The following CPD variants were observed in gnomAD, a reference collection of about 807,000 sequenced individuals.
The protein encoded by CPD is carboxypeptidase D.
In CPD, 69 loss-of-function variants were observed where a neutral mutation model predicts 138.3. That is an observed-to-expected ratio of 0.50 (90% CI 0.41 to 0.61). The LOEUF is 0.61. Ranked by LOEUF, CPD falls within the 20% of genes least tolerant of loss-of-function variation. The pLI is 0.00. For synonymous variants in CPD, 651 were observed against 642.1 expected (o/e 1.01, Z -0.21); for missense variants, 1,432 against 1,733.3 (o/e 0.83, Z 3.09).
At chr17:30,415,315 A>G (rs1235817498) in intron 2 of CPD, among the ~76,000 whole-genome samples, 1 of 152,204 alleles carries the variant, frequency 6.6e-6, no homozygotes, top group Non-Finnish European at 1.5e-5. Context: ...TCTTGACAGA[A>G]TGAAGGTAAT....
In CPD at chr17:30,461,976, G is replaced by C. The variant is rs764418938; in HGVS notation, c.3730G>C (p.Glu1244Gln). The part of the protein sequence containing the change: ...LNEGIKVQTK[E>Q]GGYFHVLLAP... ...TGAAGGAATAAAGGTACAAACAAAA[G>C]AGGGAGGTTATTTCCATGTACTCTT... is the stretch of plus-strand genomic sequence containing the variant. Residue 1244 changes from glutamate to glutamine, a missense_variant, in exon 19 of 21, where the codon GAG becomes CAG. Physicochemically the swap from Glu to Gln is conservative, Grantham distance 29. Around this residue, in one of 6 missense-constraint regions of CPD, gnomAD observed 366 missense variants for 518.8 expected, o/e 0.71. Coordinates refer to ENST00000225719, the MANE Select transcript of CPD (RefSeq NM_001304.5). The C allele has an allele frequency of 1.9e-6, 3 of 1,613,828 alleles. No individual in the cohort carries two copies. In the African/African-American group the frequency reaches 4.0e-5, roughly 22 times the overall value.
chr17:30,462,276 C>A, intron 19 of CPD, 94 bp from the exon 20 acceptor site: 2 of 1,140,424 alleles, frequency 1.8e-6, no homozygotes, highest in South Asian at 1.4e-5. Flanking sequence ...AATGCATCAT[C>A]TCCTTAGTTT....
At chr17:30,380,339 T>C in intron 1 of CPD, 1 of 373,540 alleles carries the variant, frequency 2.7e-6, no homozygotes, top group Non-Finnish European at 4.0e-6. Context: ...CCCAGGATCT[T>C]CCCCTTGCCT....
rs2143525992 is a variant in CPD, at chr17:30,467,609, TA to T, written c.*2796del. 1 of 152,296 alleles carries T rather than the reference TA, an allele frequency of 6.6e-6. No homozygotes were observed. Among genetic ancestry groups the T allele is most frequent in the South Asian group, 2.1e-4 (1 of 4,820 alleles). The allele number at this position is 152,296 out of a possible 1,614,324, so 9.4% of individuals were successfully genotyped here. On this transcript the variant is annotated 3_prime_UTR_variant, in exon 21 of 21. Coordinates refer to ENST00000225719, the MANE Select transcript of CPD (RefSeq NM_001304.5). ...TGATTGCTTTATCTTTGGTAACTTT[TA>T]CTTGAATGGGATTTGCTGAATTAAT...
intron 2 of CPD, among the ~76,000 whole-genome samples, chr17:30,403,124 T>C (rs188750613): frequency 6.6e-6 from 1 of 152,002 alleles, no homozygotes; most frequent in Non-Finnish European, 1.5e-5. Context: ...TAAAATAAAA[T>C]AAAAATAATA....
rs1913732850 is a variant in CPD, at chr17:30,469,619, A to G, written c.*4805A>G. ...TTTATAGGTGATCTTTTTAATTTAG[A>G]AGAAATTCTGAGACACAAATAAAAA... On this transcript the variant is annotated 3_prime_UTR_variant, in exon 21 of 21. Coordinates refer to ENST00000225719, the MANE Select transcript of CPD (RefSeq NM_001304.5). The G allele has an allele frequency of 6.6e-6, 1 of 152,222 alleles. No homozygotes were observed. Among genetic ancestry groups the G allele is most frequent in the African/African-American group, 2.4e-5 (1 of 41,470 alleles). The allele number at this position is 152,222 out of a possible 1,614,324, so 9.4% of individuals were successfully genotyped here.
At chr17:30,415,387 T>C (rs892410269) in intron 2 of CPD, among the ~76,000 whole-genome samples, 2 of 152,206 alleles carry the variant, frequency 1.3e-5, no homozygotes, top group Non-Finnish European at 2.9e-5. Context: ...ACATTGTGAA[T>C]GAATGTTCTG....
rs1033783588 is a variant in CPD at position 30,467,641 on chromosome 17, T to C, written c.*2827T>C. ...ATGGGATTTGCTGAATTAATGACTA[T>C]TGAATTTAAAACTAATTATGAGTTG... On this transcript the variant is annotated 3_prime_UTR_variant, in exon 21 of 21. Coordinates refer to ENST00000225719, the MANE Select transcript of CPD (RefSeq NM_001304.5). 4 of 152,188 alleles carry C rather than the reference T, an allele frequency of 2.6e-5. No homozygotes were observed. The highest frequency in any genetic ancestry group is 9.6e-5 in the African/African-American group (4 of 41,456). 9.4% of individuals were successfully genotyped at this position (152,188 alleles called of 1,614,324 possible).
rs766086076 is a variant in CPD, at chr17:30,464,756, A to T, written c.4085A>T (p.His1362Leu). The part of the protein sequence containing the change: ...STGSKKSLLS[H>L]EFQDETDTEE... ...GGCTCCAAGAAGTCCCTCCTAAGCC[A>T]TGAGTTCCAGGATGAAACAGACACT... Residue 1362 changes from histidine (H) to leucine (L), a missense_variant, in exon 21 of 21, where the codon CAT becomes CTT. By Grantham distance (99) the His-to-Leu change is moderately conservative. This residue lies in a region of CPD where 366 missense variants were observed against 518.8 expected (regional missense o/e 0.71). Transcript: ENST00000225719. The T allele has an allele frequency of 1.9e-6, 3 of 1,613,896 alleles. No homozygotes were observed. Among genetic ancestry groups the T allele is most frequent in the African/African-American group, 1.3e-5 (1 of 74,906 alleles).
chr17:30,394,807 T>C (rs1911454230), intron 2 of CPD, among the ~76,000 whole-genome samples: 2 of 152,100 alleles, frequency 1.3e-5, no homozygotes. Context: ...GATATGACTT[T>C]GAGGATTTTG....
At chr17:30,391,392 C>G (rs1276722314) in intron 2 of CPD, among the ~76,000 whole-genome samples, 1 of 151,974 alleles carries the variant, frequency 6.6e-6, no homozygotes, top group Non-Finnish European at 1.5e-5. Context: ...ATAATGAGAC[C>G]CTGTCTCCAA....
At chr17:30,442,117 A>G (rs888968641) in intron 9 of CPD, among the ~76,000 whole-genome samples, 191 bp from the exon 10 acceptor site, 26 of 152,266 alleles carry the variant, frequency 1.7e-4, no homozygotes, top group African/African-American at 6.0e-4. Flanking sequence ...AAGAGATTCA[A>G]CTTCTTCCAC....
chr17:30,381,555 T>C (rs968961881), intron 1 of CPD, among the ~76,000 whole-genome samples: 4 of 152,144 alleles, frequency 2.6e-5, no homozygotes, highest in Admixed American at 1.3e-4. Flanking sequence ...TGGTAAAGAG[T>C]ACATCCATCC....
At chr17:30,400,326 C>T (rs573916079) in intron 2 of CPD, among the ~76,000 whole-genome samples, 32 of 152,224 alleles carry the variant, frequency 2.1e-4, no homozygotes, top group African/African-American at 7.0e-4. Context: ...GAGGAATGTA[C>T]GAACCTACCC....
In CPD at chr17:30,465,695, T is replaced by C. The variant is rs1345698418; in HGVS notation, c.*881T>C. 1 of 152,622 alleles carries C rather than the reference T, an allele frequency of 6.6e-6. No individual in the cohort carries two copies. The highest frequency in any genetic ancestry group is 1.5e-5 in the Non-Finnish European group (1 of 68,018). The allele number at this position is 152,622 out of a possible 1,614,324, so 9.5% of individuals were successfully genotyped here. On this transcript the variant is annotated 3_prime_UTR_variant, in exon 21 of 21. Coordinates refer to ENST00000225719, the MANE Select transcript of CPD (RefSeq NM_001304.5). ...AATATTGCCTAAATCGGAACCTTTT[T>C]CTATGTTGCACACATGGTTTTCAGA...
intron 2 of CPD, among the ~76,000 whole-genome samples, chr17:30,410,062 G>A (rs1406337256): frequency 1.3e-5 from 2 of 152,080 alleles, no homozygotes; most frequent in Non-Finnish European, 2.9e-5. Context: ...TTGTGTATTT[G>A]ATCTCATTGG....
intron 9 of CPD, 124 bp from the exon 10 acceptor site, chr17:30,442,184 A>G (rs1912889878): frequency 2.6e-6 from 2 of 774,642 alleles, no homozygotes; most frequent in Non-Finnish European, 4.1e-6. Flanking sequence ...TCACATGAAC[A>G]CGTTAGCTTA....
rs1053376012 is a variant in CPD, at chr17:30,421,098, T to G, written c.1137+115T>G. On this transcript the variant is annotated intron_variant, in intron 3 of 20. Coordinates refer to ENST00000225719, the MANE Select transcript of CPD (RefSeq NM_001304.5). ...ATTAGATGTCATTTATCTCTTTTTA[T>G]TACTTAAGATTATAAATTATCTTTA... 3 of 688,266 alleles carry G rather than the reference T, an allele frequency of 4.4e-6. No homozygotes were observed. In the East Asian group the frequency reaches 9.2e-5, roughly 21 times the overall value. The allele number at this position is 688,266 out of a possible 1,614,324, so 42.6% of individuals were successfully genotyped here. A position where few individuals can be genotyped will look rare whatever the true frequency, so the allele number is the denominator to read the frequency against.
intron 1 of CPD, among the ~76,000 whole-genome samples, chr17:30,381,151 T>C (rs1911031440): frequency 6.6e-6 from 1 of 152,234 alleles, no homozygotes; most frequent in Non-Finnish European, 1.5e-5. Flanking sequence ...GGGAGGATTT[T>C]TTTTTCTTTT....
Sources: gnomAD v4.1 joint callset for allele counts (sites outside exome capture counted in the v4.1 genomes callset) on GRCh38, gnomAD v4.1.1 for gene constraint, gnomAD v4.1.1 regional missense constraint, MANE v1.5 for transcripts, NCBI Gene and HGNC (gene_info 2026-07-23, HGNC 2026-07-21) for gene names.